Variants in FASTKD1 observed in about 807,000 individuals in gnomAD.
The protein encoded by FASTKD1 is FAST kinase domains 1, also known as FAST kinase domain-containing protein 1, mitochondrial.
FASTKD1 carries 94 observed loss-of-function variants against 90.9 expected under a neutral mutation model. That is an observed-to-expected ratio of 1.03 (90% CI 0.88 to 1.23). The LOEUF is 1.23. Ranked by LOEUF, FASTKD1 falls within the 50% of genes most tolerant of loss-of-function variation. The pLI is 0.00. For missense variants in FASTKD1, 945 were observed against 993.5 expected, an observed-to-expected ratio of 0.95 and a Z score of 0.66; for synonymous variants, 319 against 345.8, an observed-to-expected ratio of 0.92 and a Z score of 0.86.
chr2:169,567,904 A>C (rs929554298), intron 3 of FASTKD1, among the ~76,000 whole-genome samples: 1 of 152,180 alleles, frequency 6.6e-6, no homozygotes, highest in Admixed American at 6.5e-5. Flanking sequence ...AAAAAATTCA[A>C]AGTTTTCAGA....
chr2:169,538,675 CAAAAA>C (rs35866271), intron 10 of FASTKD1, among the ~76,000 whole-genome samples: 1 of 90,942 alleles, frequency 1.1e-5, no homozygotes, highest in African/African-American at 4.5e-5. Flanking sequence ...AACTCCGTCT[CAAAAA>C]AAAAAAAAAA....
At chr2:169,544,606 G>T in intron 9 of FASTKD1, 115 bp downstream of exon 9, 1 of 663,892 alleles carries the variant, frequency 1.5e-6, no homozygotes, top group South Asian at 1.8e-5. Flanking sequence ...CTTTTTTTAG[G>T]TAGATAATTC....
chr2:169,530,367 C>T (rs973569409), intron 14 of FASTKD1, among the ~76,000 whole-genome samples: 5 of 152,120 alleles, frequency 3.3e-5, no homozygotes, highest in African/African-American at 9.7e-5. Flanking sequence ...GGGATGATCA[C>T]GGCTCACTGC....
At position 169,546,657 on chromosome 2, in the gene FASTKD1, C is replaced by A. The variant is rs771281157; in HGVS notation, c.1262G>T (p.Arg421Leu). The change falls in exon 8 of 15, where the codon CGT becomes CTT. Residue 421 changes from arginine (R) to leucine (L), a missense_variant. Arg to Leu is a moderately radical substitution (Grantham distance 102, BLOSUM62 -2). Transcript: ENST00000453153. Reference protein sequence around the residue: ...FIPTEVSVLVRAISLLPSPHL... With the variant: ...FIPTEVSVLVLAISLLPSPHL... Reference sequence around the variant, plus strand: ...AGGAGAAGGGAGCAGGGAAATAGCACGGACCAGAACAGACACCTCAGTTGG... The same window carrying A: ...AGGAGAAGGGAGCAGGGAAATAGCAAGGACCAGAACAGACACCTCAGTTGG... 21 of 1,613,466 alleles carry A rather than the reference C, an allele frequency of 1.3e-5. No homozygotes were observed. Among genetic ancestry groups the A allele is most frequent in the African/African-American group, 2.7e-5 (2 of 74,838 alleles).
intron 9 of FASTKD1, 104 bp from the exon 10 acceptor site, chr2:169,540,283 C>A: frequency 8.5e-7 from 1 of 1,181,132 alleles, no homozygotes; most frequent in Non-Finnish European, 1.1e-6. Context: ...AGATACACAG[C>A]CTTGACAAAA....
At chr2:169,547,839 C>A (rs765608213) in intron 7 of FASTKD1, among the ~76,000 whole-genome samples, 1 of 126,324 alleles carries the variant, frequency 7.9e-6, no homozygotes, top group South Asian at 2.6e-4. Flanking sequence ...GAGCCAAGAT[C>A]GTGCCACTGC....
At chr2:169,551,428 C>T (rs954525524) in intron 7 of FASTKD1, among the ~76,000 whole-genome samples, 4 of 152,258 alleles carry the variant, frequency 2.6e-5, no homozygotes, top group African/African-American at 7.2e-5. Flanking sequence ...TATATTCTTA[C>T]AAGAGAATAC....
Position 169,553,271 on chromosome 2 carries a change from C to CAAAAAAAAA in FASTKD1, c.1214+1844_1214+1852dup, listed in dbSNP as rs374454211. Among the ~76,000 whole-genome samples, 20 of 79,214 alleles carry CAAAAAAAAA rather than the reference C, an allele frequency of 2.5e-4. 1 individual carries two copies. Among genetic ancestry groups the CAAAAAAAAA allele is most frequent in the Non-Finnish European group, 3.1e-4 (14 of 44,772 alleles). 52.0% of individuals were successfully genotyped at this position (79,214 alleles called of 152,430 possible). A position where few individuals can be genotyped will look rare whatever the true frequency, so the allele number is the denominator to read the frequency against. ...ATATAGAAAATTTTTTAAAAGCATG[C>CAAAAAAAAA]AAAAAAAAAAAAAAAAAACCCACTG... On this transcript the variant is annotated intron_variant, in intron 7 of 14. Transcript: ENST00000453153.
Position 169,529,465 on chromosome 2 carries a change from T to C in FASTKD1, c.*360A>G, listed in dbSNP as rs530572171. Among the ~76,000 whole-genome samples, 1 of 152,350 alleles carries C rather than the reference T, an allele frequency of 6.6e-6. No individual in the cohort carries two copies. The highest frequency in any genetic ancestry group is 2.1e-4 in the South Asian group (1 of 4,828). ...ATTGCAATGACCTCGTAAAGAGTTT[T>C]CTTTCTTACACATTTGCCTCATCGT... On this transcript the variant is annotated 3_prime_UTR_variant, in exon 15 of 15. Transcript: ENST00000453153.
rs1295386366 is a variant in FASTKD1 at position 169,571,879 on chromosome 2, GCTC to G, written c.148_150del (p.Glu50del). On this transcript the variant is annotated inframe_deletion, in exon 2 of 15. Transcript: ENST00000453153. ...TTTCTTTCAATAAAACCAAACATTT[GCTC>G]CTCATCTGTACACTTATTCATCTGA... is the stretch of plus-strand genomic sequence containing the variant. 1.9e-6 allele frequency: 3 copies of G among 1,613,854 alleles called. No homozygotes were observed. The highest frequency in any genetic ancestry group is 2.7e-5 in the African/African-American group (2 of 74,896).
rs772900691 is a variant in FASTKD1, at chr2:169,569,267, A to G, written c.378-15T>C. On this transcript the variant is annotated splice_polypyrimidine_tract_variant and intron_variant, in intron 2 of 14. Transcript: ENST00000453153. Reference sequence around the variant, plus strand: ...CACCAGCAAACCTTAATAAAAAAGAAAGAATCCTCCATACATAATCATTTT... The same window carrying G: ...CACCAGCAAACCTTAATAAAAAAGAGAGAATCCTCCATACATAATCATTTT... 6.2e-7 allele frequency: 1 copy of G among 1,611,204 alleles called. No homozygotes were observed. The highest frequency in any genetic ancestry group is 2.2e-5 in the East Asian group (1 of 44,852).
chr2:169,544,082 T>C (rs933237420), intron 9 of FASTKD1, among the ~76,000 whole-genome samples: 4 of 152,054 alleles, frequency 2.6e-5, no homozygotes, highest in Non-Finnish European at 5.9e-5. Context: ...TATGCTAAAG[T>C]AATTAGGGAT....
At position 169,572,073 on chromosome 2, in the gene FASTKD1, A is replaced by G. The variant is rs757903516; in HGVS notation, c.-44T>C. The G allele has an allele frequency of 6.5e-6, 10 of 1,529,676 alleles. No individual in the cohort carries two copies. In the South Asian group the frequency reaches 1.2e-4, roughly 18 times the overall value. 94.8% of individuals were successfully genotyped at this position (1,529,676 alleles called of 1,614,324 possible). A position where few individuals can be genotyped will look rare whatever the true frequency, so the allele number is the denominator to read the frequency against. On this transcript the variant is annotated 5_prime_UTR_variant, in exon 2 of 15. An upstream open reading frame in the 5' UTR loses its in-frame stop. Transcript: ENST00000453153. ...TAGGTAAACAAAACCATCTGCAACTAGTCGTCAGGTGCAATAAGCAGGGAT... is the reference window on the plus strand; with the variant it reads ...TAGGTAAACAAAACCATCTGCAACTGGTCGTCAGGTGCAATAAGCAGGGAT...
Position 169,546,258 on chromosome 2 carries a change from A to C in FASTKD1, c.1661T>G (p.Leu554Arg). Residue 554 changes from leucine to arginine, a missense_variant, in exon 8 of 15, where the codon CTA becomes CGA. Coordinates refer to ENST00000453153, the MANE Select transcript of FASTKD1 (RefSeq NM_024622.6). ...SSTDYLSTLL[L>R]DRIASVAVQQ... The stretch of plus-strand genomic sequence containing the variant: ...AACAGCCACTGAGGCTATCCTATCT[A>C]GTAGCAAAGTACTGAGGTAATCAGT... The C allele has an allele frequency of 6.2e-7, 1 of 1,607,360 alleles. No homozygotes were observed.
chr2:169,549,467 A>T (rs959134150), intron 7 of FASTKD1, among the ~76,000 whole-genome samples: 2 of 152,134 alleles, frequency 1.3e-5, no homozygotes, highest in Non-Finnish European at 2.9e-5. Context: ...AATATTTTTT[A>T]AATTAATTTT....
chr2:169,549,540 T>G (rs1685395232), intron 7 of FASTKD1, among the ~76,000 whole-genome samples: 2 of 152,200 alleles, frequency 1.3e-5, no homozygotes, highest in South Asian at 4.1e-4. Flanking sequence ...ATATAGCTCA[T>G]TGCAGCCTTG....
intron 7 of FASTKD1, among the ~76,000 whole-genome samples, chr2:169,552,809 C>T (rs1325172683): frequency 6.6e-6 from 1 of 152,124 alleles, no homozygotes; most frequent in Non-Finnish European, 1.5e-5. Flanking sequence ...GTACATTACT[C>T]AGGTGACAGG....
intron 3 of FASTKD1, among the ~76,000 whole-genome samples, chr2:169,565,017 C>T (rs1227656020): frequency 3.4e-5 from 5 of 145,936 alleles, no homozygotes; most frequent in South Asian, 4.3e-4. Flanking sequence ...TGCAATGGCG[C>T]GATCTCGGTT....
At chr2:169,543,270 C>A (rs910059278) in intron 9 of FASTKD1, among the ~76,000 whole-genome samples, 2 of 152,044 alleles carry the variant, frequency 1.3e-5, no homozygotes, top group Admixed American at 6.6e-5. Context: ...TCGAGACCAG[C>A]CTGACCAACA....
Sources: gnomAD v4.1 joint callset for allele counts (sites outside exome capture counted in the v4.1 genomes callset) on GRCh38, gnomAD v4.1.1 for gene constraint, MANE v1.5 for transcripts, NCBI Gene and HGNC (gene_info 2026-07-23, HGNC 2026-07-21) for gene names.